L3MBTL4: variants seen among roughly 807,000 people sequenced by gnomAD.
The protein encoded by L3MBTL4 is lethal(3)malignant brain tumor-like protein 4.
A neutral mutation model predicts 84.5 loss-of-function variants in L3MBTL4; 70 were observed. The observed-to-expected ratio is 0.83, with a 90% CI of 0.68 to 1.01. The LOEUF is 1.01. Ranked by LOEUF, L3MBTL4 falls within the 50% of genes least tolerant of loss-of-function variation. L3MBTL4 has a pLI of 0.00. For missense variants in L3MBTL4, 715 were observed against 754.8 expected (o/e 0.95, Z 0.62); for synonymous variants, 274 against 259.8 (o/e 1.05, Z -0.52).
chr18:6,315,115 T>C (rs779254077), intron 1 of L3MBTL4, among the ~76,000 whole-genome samples: 1 of 152,216 alleles, frequency 6.6e-6, no homozygotes, highest in Non-Finnish European at 1.5e-5. Flanking sequence ...GCCTGGGTGT[T>C]CACAGGAGGG....
intron 4 of L3MBTL4, among the ~76,000 whole-genome samples, chr18:6,272,581 T>C (rs1223443060): frequency 5.0e-5 from 3 of 60,082 alleles, no homozygotes; most frequent in Non-Finnish European, 8.3e-5. Context: ...ACAGCCCCAC[T>C]GCATTAAACT....
chr18:6,026,856 C>A (rs951034293), intron 16 of L3MBTL4, among the ~76,000 whole-genome samples: 1 of 152,040 alleles, frequency 6.6e-6, no homozygotes, highest in African/African-American at 2.4e-5. Context: ...GGTCACATAA[C>A]GAATTGGTTT....
intron 4 of L3MBTL4, among the ~76,000 whole-genome samples, chr18:6,295,861 G>T (rs1312826885): frequency 1.3e-5 from 2 of 152,060 alleles, no homozygotes. Flanking sequence ...GGGCCTGGTG[G>T]GAGGTGACTA....
intron 16 of L3MBTL4, among the ~76,000 whole-genome samples, chr18:6,073,446 GT>G (rs906237952): frequency 2.0e-5 from 3 of 151,956 alleles, no homozygotes; most frequent in East Asian, 3.9e-4. Flanking sequence ...AAAAACTTCA[GT>G]TTTTTTCCTG....
At chr18:5,997,923 G>A (rs999116909) in intron 16 of L3MBTL4, among the ~76,000 whole-genome samples, 2 of 152,026 alleles carry the variant, frequency 1.3e-5, no homozygotes, top group Admixed American at 6.6e-5. Context: ...GTATCCATGG[G>A]GGTCCTGGAA....
At chr18:6,018,129 C>A (rs1448926321) in intron 16 of L3MBTL4, among the ~76,000 whole-genome samples, 1 of 152,106 alleles carries the variant, frequency 6.6e-6, no homozygotes, top group Non-Finnish European at 1.5e-5. Flanking sequence ...AGAGGAGACT[C>A]ACGGTAGAGG....
At chr18:5,963,588 T>A (rs1283529866) in intron 17 of L3MBTL4, among the ~76,000 whole-genome samples, 1 of 152,252 alleles carries the variant, frequency 6.6e-6, no homozygotes, top group Non-Finnish European at 1.5e-5. Context: ...GGCCTATCTG[T>A]CTTTTTCCAA....
chr18:6,164,638 A>G (rs2043548388), intron 13 of L3MBTL4, among the ~76,000 whole-genome samples: 1 of 152,176 alleles, frequency 6.6e-6, no homozygotes, highest in African/African-American at 2.4e-5. Context: ...TAGAAGGAAA[A>G]CTAACAAAAA....
At chr18:6,147,896 G>A (rs1324801838) in intron 13 of L3MBTL4, among the ~76,000 whole-genome samples, 1 of 152,122 alleles carries the variant, frequency 6.6e-6, no homozygotes, top group African/African-American at 2.4e-5. Flanking sequence ...TTTATCATAT[G>A]TTCAGCTTTA....
At chr18:6,244,166 T>A (rs2047563323) in intron 6 of L3MBTL4, among the ~76,000 whole-genome samples, 1 of 152,164 alleles carries the variant, frequency 6.6e-6, no homozygotes, top group Non-Finnish European at 1.5e-5. Context: ...TTAGTTCAGC[T>A]AAAATGTGAA....
intron 12 of L3MBTL4, among the ~76,000 whole-genome samples, chr18:6,192,954 G>A (rs2045190786): frequency 6.6e-6 from 1 of 152,054 alleles, no homozygotes; most frequent in Non-Finnish European, 1.5e-5. Flanking sequence ...AAAGTGAGGG[G>A]CAGTGAAGAT....
intron 1 of L3MBTL4, among the ~76,000 whole-genome samples, chr18:6,338,770 A>T (rs1165339267): frequency 6.6e-6 from 1 of 152,128 alleles, no homozygotes; most frequent in Non-Finnish European, 1.5e-5. Context: ...AAATATAAAG[A>T]CATAAAAGAC....
intron 12 of L3MBTL4, among the ~76,000 whole-genome samples, chr18:6,201,078 G>C (rs1002849811): frequency 1.3e-5 from 2 of 152,116 alleles, no homozygotes; most frequent in Non-Finnish European, 2.9e-5. Context: ...AAGAGTACTC[G>C]GGTAATCAAG....
intron 12 of L3MBTL4, among the ~76,000 whole-genome samples, chr18:6,181,044 T>C (rs756331464): frequency 2.6e-5 from 4 of 152,112 alleles, no homozygotes; most frequent in Admixed American, 6.6e-5. Flanking sequence ...ATATCTAGAA[T>C]AGGCAAATTC....
intron 10 of L3MBTL4, among the ~76,000 whole-genome samples, chr18:6,233,955 G>T (rs1264255258): frequency 6.6e-6 from 1 of 152,104 alleles, no homozygotes; most frequent in African/African-American, 2.4e-5. Context: ...CATGGTACTG[G>T]TACCAAAACA....
intron 12 of L3MBTL4, among the ~76,000 whole-genome samples, chr18:6,212,684 A>C (rs1187860262): frequency 6.6e-6 from 1 of 152,244 alleles, no homozygotes; most frequent in Non-Finnish European, 1.5e-5. Flanking sequence ...TTTCAAGCGA[A>C]ATAGAATAAT....
chr18:6,288,732 T>G (rs531035662), intron 4 of L3MBTL4, among the ~76,000 whole-genome samples: 1 of 152,036 alleles, frequency 6.6e-6, no homozygotes, highest in Non-Finnish European at 1.5e-5. Context: ...AAACTTGAAA[T>G]AATAACTAGC....
Position 6,335,953 on chromosome 18 carries a change from T to C in L3MBTL4, c.-90-23897A>G, listed in dbSNP as rs560166396. On this transcript the variant is annotated intron_variant, in intron 1 of 18. Transcript: ENST00000317931. ...TGAAAACGGACTAATACAAGCTGTATGTAGTCACTCCTTAATTCCTTCATT... is the reference window on the plus strand; with the variant it reads ...TGAAAACGGACTAATACAAGCTGTACGTAGTCACTCCTTAATTCCTTCATT... 5.3e-5 allele frequency among the ~76,000 whole-genome samples: 8 copies of C among 152,322 alleles called. No homozygotes were observed. The South Asian group carries it at 1.7e-3, about 32-fold the overall frequency.
At chr18:6,377,643 G>A (rs985948789) in intron 1 of L3MBTL4, among the ~76,000 whole-genome samples, 3 of 152,168 alleles carry the variant, frequency 2.0e-5, no homozygotes, top group Non-Finnish European at 2.9e-5. Context: ...CTCTGCAAAG[G>A]ACATGAACAC....
Sources: gnomAD v4.1 joint callset for allele counts (sites outside exome capture counted in the v4.1 genomes callset) on GRCh38, gnomAD v4.1.1 for gene constraint, MANE v1.5 for transcripts, NCBI Gene and HGNC (gene_info 2026-07-23, HGNC 2026-07-21) for gene names.